STXBP6: variants seen among roughly 807,000 people sequenced by gnomAD.
STXBP6 encodes syntaxin binding protein 6, also known as syntaxin-binding protein 6.
In STXBP6, 21 loss-of-function variants were observed where a neutral mutation model predicts 26.9. That is an observed-to-expected ratio of 0.78 (90% CI 0.55 to 1.12). STXBP6 has a LOEUF of 1.12. Ranked by LOEUF, STXBP6 falls within the 50% of genes most tolerant of loss-of-function variation. STXBP6 has a pLI of 0.00. For missense variants in STXBP6, 232 were observed against 257.9 expected, an observed-to-expected ratio of 0.90 and a Z score of 0.69; for synonymous variants, 97 against 92.6, an observed-to-expected ratio of 1.05 and a Z score of -0.27.
chr14:25,037,683 T>C (rs935008566), intron 1 of STXBP6, among the ~76,000 whole-genome samples: 24 of 152,210 alleles, frequency 1.6e-4, no homozygotes, highest in African/African-American at 5.8e-4. Context: ...TGCTCAAAGG[T>C]CATTTTAAAA....
intron 2 of STXBP6, among the ~76,000 whole-genome samples, chr14:24,957,933 C>T (rs546209926): frequency 6.6e-6 from 1 of 152,198 alleles, no homozygotes; most frequent in East Asian, 1.9e-4. Context: ...ATTACTAGGC[C>T]ATAGATTTTC....
chr14:24,816,995 T>C (rs1024513895), intron 5 of STXBP6: 1 of 152,238 alleles, frequency 6.6e-6, no homozygotes, highest in Admixed American at 6.5e-5. Flanking sequence ...CTAATAGCTT[T>C]GAACTCATTC....
intron 1 of STXBP6, among the ~76,000 whole-genome samples, chr14:25,016,775 A>G (rs1952499): frequency 0.12 from 18,694 of 152,246 alleles, 1,215 homozygotes; most frequent in African/African-American, 0.13. Flanking sequence ...CTTTAAAAAA[A>G]TAAACAATAT....
At chr14:24,898,510 C>A (rs1317150861) in intron 2 of STXBP6, among the ~76,000 whole-genome samples, 1 of 152,068 alleles carries the variant, frequency 6.6e-6, no homozygotes, top group Non-Finnish European at 1.5e-5. Context: ...AACCCCATCT[C>A]TACTAAAAAT....
At chr14:24,984,307 A>C (rs1235992488) in intron 1 of STXBP6, among the ~76,000 whole-genome samples, 1 of 152,208 alleles carries the variant, frequency 6.6e-6, no homozygotes, top group Non-Finnish European at 1.5e-5. Context: ...GCTGATTTGG[A>C]GAATATCACC....
In STXBP6 at chr14:25,049,800, C is replaced by A; in HGVS notation, c.-33+78G>T. 3.0e-6 allele frequency: 3 copies of A among 985,814 alleles called. No individual in the cohort carries two copies. The highest frequency in any genetic ancestry group is 3.6e-6 in the Non-Finnish European group (3 of 830,276). 61.1% of individuals were successfully genotyped at this position (985,814 alleles called of 1,614,324 possible). Reference sequence around the variant, plus strand: ...TCGGACGGAGCGCCAGGCGCCCCAACAGCCGTGGCGGCTGCAACCGCATCT... The same window carrying A: ...TCGGACGGAGCGCCAGGCGCCCCAAAAGCCGTGGCGGCTGCAACCGCATCT... On this transcript the variant is annotated intron_variant, in intron 1 of 5. Transcript: ENST00000323944. The surrounding 1 kb of genome is among the most constrained non-coding windows in gnomAD (Gnocchi z 5.6).
intron 4 of STXBP6, among the ~76,000 whole-genome samples, chr14:24,833,132 G>A (rs1403867169): frequency 6.6e-6 from 1 of 152,182 alleles, no homozygotes; most frequent in African/African-American, 2.4e-5. Context: ...GGTGAAATGT[G>A]AAAGCACAGG....
chr14:25,049,455 A>T lies in STXBP6; in HGVS notation c.-33+423T>A. On this transcript the variant is annotated intron_variant, in intron 1 of 5. Coordinates refer to ENST00000323944, the MANE Select transcript of STXBP6 (RefSeq NM_001394410.1). This position sits in a 1 kb window ranked among gnomAD's most constrained non-coding sequence, Gnocchi z 5.6. The stretch of plus-strand genomic sequence containing the variant: ...AGTGATTCGCGGATTTCTGCGCTCA[A>T]GCTAGAGGCGCAGCGACCCCGAGCT... 1.0e-6 allele frequency: 1 copy of T among 985,304 alleles called. No individual in the cohort carries two copies. Among genetic ancestry groups the T allele is most frequent in the Non-Finnish European group, 1.2e-6 (1 of 829,898 alleles). 61.0% of individuals were successfully genotyped at this position (985,304 alleles called of 1,614,324 possible). A position where few individuals can be genotyped will look rare whatever the true frequency, so the allele number is the denominator to read the frequency against.
chr14:24,955,041 C>T (rs1403195880), intron 2 of STXBP6, among the ~76,000 whole-genome samples: 1 of 152,200 alleles, frequency 6.6e-6, no homozygotes, highest in Non-Finnish European at 1.5e-5. Flanking sequence ...AGTAAGCTCA[C>T]ACATGTAAGC....
In STXBP6 at chr14:24,857,034, G is replaced by T. The variant is rs970336596; in HGVS notation, c.278C>A (p.Pro93His). The T allele has an allele frequency of 6.2e-7, 1 of 1,612,710 alleles. No homozygotes were observed. Among genetic ancestry groups the T allele is most frequent in the African/African-American group, 1.3e-5 (1 of 74,910 alleles). ...EQLRQVNGIDPNGDSAEFDLL... is the reference protein window; with the variant it reads ...EQLRQVNGIDHNGDSAEFDLL... Reference sequence around the variant, plus strand: ...ATTGGACAATTCACTCACCCCATTAGGATCGATACCATTAACCTGGCGAAG... The same window carrying T: ...ATTGGACAATTCACTCACCCCATTATGATCGATACCATTAACCTGGCGAAG... The change falls in exon 3 of 6, where the codon CCT becomes CAT. Residue 93 changes from proline to histidine, a missense_variant. By Grantham distance (77) the Pro-to-His change is moderately conservative. Transcript: ENST00000323944.
chr14:24,990,064 C>T (rs1396342796), intron 1 of STXBP6, among the ~76,000 whole-genome samples: 1 of 152,156 alleles, frequency 6.6e-6, no homozygotes, highest in Non-Finnish European at 1.5e-5. Flanking sequence ...TGACTTTGGA[C>T]ACTTCCTGTT....
intron 2 of STXBP6, among the ~76,000 whole-genome samples, chr14:24,917,585 T>C (rs1341386452): frequency 1.3e-5 from 2 of 152,052 alleles, no homozygotes; most frequent in African/African-American, 2.4e-5. Context: ...ACCTACCTCA[T>C]ACTATATACA....
At chr14:24,900,100 T>C (rs2071159167) in intron 2 of STXBP6, among the ~76,000 whole-genome samples, 2 of 152,246 alleles carry the variant, frequency 1.3e-5, no homozygotes, top group South Asian at 4.1e-4. Flanking sequence ...TTGCAAACAA[T>C]CTTAGTTTAT....
At chr14:25,031,985 T>C (rs1247136998) in intron 1 of STXBP6, among the ~76,000 whole-genome samples, 2 of 151,478 alleles carry the variant, frequency 1.3e-5, no homozygotes, top group African/African-American at 4.9e-5. Context: ...CAAGAGAAGG[T>C]GGGGAGTGGA....
Position 25,049,487 on chromosome 14 carries a change from C to T in STXBP6, c.-33+391G>A. 9 of 985,386 alleles carry T rather than the reference C, an allele frequency of 9.1e-6. No homozygotes were observed. The highest frequency in any genetic ancestry group is 9.6e-6 in the Non-Finnish European group (8 of 829,924). The allele number at this position is 985,386 out of a possible 1,614,324, so 61.0% of individuals were successfully genotyped here. ...GGCGCAGCGACCCCGAGCTCCCCCACACTGGGAGCCTCGGGGCAGCATTCT... is the reference window on the plus strand; with the variant it reads ...GGCGCAGCGACCCCGAGCTCCCCCATACTGGGAGCCTCGGGGCAGCATTCT... On this transcript the variant is annotated intron_variant, in intron 1 of 5. Coordinates refer to ENST00000323944, the MANE Select transcript of STXBP6 (RefSeq NM_001394410.1). The surrounding 1 kb of genome is among the most constrained non-coding windows in gnomAD (Gnocchi z 5.6).
At chr14:24,890,647 A>G (rs752318236) in intron 2 of STXBP6, among the ~76,000 whole-genome samples, 2 of 152,246 alleles carry the variant, frequency 1.3e-5, no homozygotes, top group Non-Finnish European at 2.9e-5. Flanking sequence ...AAAATGTCCT[A>G]TAGAAAAGAT....
At chr14:24,819,977 G>T (rs1194564636) in intron 4 of STXBP6, among the ~76,000 whole-genome samples, 1 of 152,180 alleles carries the variant, frequency 6.6e-6, no homozygotes, top group African/African-American at 2.4e-5. Context: ...TACCAAGAAG[G>T]TTGAAAGCCA....
chr14:24,950,588 A>G (rs554590060), intron 2 of STXBP6, among the ~76,000 whole-genome samples: 2 of 152,214 alleles, frequency 1.3e-5, no homozygotes, highest in Non-Finnish European at 2.9e-5. Context: ...CTAATAGTAC[A>G]TATTCTAGGA....
At chr14:25,041,911 C>T (rs1187944873) in intron 1 of STXBP6, among the ~76,000 whole-genome samples, 1 of 152,202 alleles carries the variant, frequency 6.6e-6, no homozygotes, top group East Asian at 1.9e-4. Flanking sequence ...ACCTGACAAT[C>T]CATGCAAGAG....
Sources: allele counts gnomAD v4.1 joint callset (sites outside exome capture counted in the v4.1 genomes callset), GRCh38; gene constraint gnomAD v4.1.1; non-coding constraint Gnocchi (gnomAD v3.1); transcripts MANE v1.5; gene names NCBI Gene and HGNC (gene_info 2026-07-23, HGNC 2026-07-21).